FILIP1L: variants seen among roughly 807,000 people sequenced by gnomAD.
FILIP1L encodes filamin A interacting protein 1 like, also known as filamin A-interacting protein 1-like.
In FILIP1L, 55 loss-of-function variants were observed where a neutral mutation model predicts 96.6. The ratio of observed to expected loss-of-function variants is 0.57; its 90% CI spans 0.46 to 0.71. FILIP1L has a LOEUF of 0.71. Ranked by LOEUF, FILIP1L falls within the 30% of genes least tolerant of loss-of-function variation. FILIP1L has a pLI of 0.00. For missense variants in FILIP1L, 1,304 were observed against 1,321.2 expected, an observed-to-expected ratio of 0.99 and a Z score of 0.20; for synonymous variants, 467 against 473.9, an observed-to-expected ratio of 0.99 and a Z score of 0.19.
intron 4 of FILIP1L, among the ~76,000 whole-genome samples, chr3:99,885,002 T>C (rs1012870398): frequency 3.3e-5 from 5 of 152,228 alleles, no homozygotes; most frequent in Admixed American, 2.6e-4. Context: ...AAAATTGTGC[T>C]ACGATACTGT....
Position 99,851,072 on chromosome 3 carries a change from T to A in FILIP1L, c.606-2A>T. ...TCTTGATCAATTAGCTTCTTTAATCTGAAAAATGTAAAGTGCATTTTATTT... is the reference window on the plus strand; with the variant it reads ...TCTTGATCAATTAGCTTCTTTAATCAGAAAAATGTAAAGTGCATTTTATTT... On this transcript the variant is annotated splice_acceptor_variant, in intron 4 of 5. Transcript: ENST00000477258. LOFTEE classifies it high-confidence loss of function. 6.4e-7 allele frequency: 1 copy of A among 1,569,478 alleles called. No homozygotes were observed. Among genetic ancestry groups the A allele is most frequent in the Non-Finnish European group, 8.6e-7 (1 of 1,165,082 alleles).
chr3:99,853,491 G>C (rs778519944), intron 4 of FILIP1L, among the ~76,000 whole-genome samples: 3 of 152,218 alleles, frequency 2.0e-5, no homozygotes, highest in Non-Finnish European at 4.4e-5. Context: ...TATTAAAAGG[G>C]AATGGTGATT....
Position 99,969,435 on chromosome 3 carries a change from G to A in FILIP1L, c.-10-38405C>T, listed in dbSNP as rs150350836. On this transcript the variant is annotated intron_variant, in intron 1 of 5. Coordinates refer to ENST00000477258, the MANE Select transcript of FILIP1L (RefSeq NM_001387850.1). ...GAGGACTGCAGATTTATATAGTTGC[G>A]TCAATCTGAAAGCTGACTTTTTTTT... Among the ~76,000 whole-genome samples the A allele has an allele frequency of 7.3e-3, 1,107 of 152,252 alleles. 19 individuals are homozygous for A. Among genetic ancestry groups the A allele is most frequent in the African/African-American group, 0.024 (1,016 of 41,528 alleles).
chr3:99,923,348 A>G (rs958493452), intron 4 of FILIP1L, among the ~76,000 whole-genome samples: 1 of 152,094 alleles, frequency 6.6e-6, no homozygotes, highest in South Asian at 2.1e-4. Flanking sequence ...CATACTCAAC[A>G]TGTCTAAACC....
intron 1 of FILIP1L, among the ~76,000 whole-genome samples, chr3:100,076,481 G>C (rs1259714093): frequency 6.6e-6 from 1 of 152,124 alleles, no homozygotes; most frequent in Non-Finnish European, 1.5e-5. Context: ...TTTATGCTTT[G>C]CTATTTCTGT....
At chr3:100,080,539 G>A (rs1472223420) in intron 1 of FILIP1L, among the ~76,000 whole-genome samples, 7 of 152,172 alleles carry the variant, frequency 4.6e-5, no homozygotes, top group Admixed American at 2.0e-4. Flanking sequence ...TAGGTGATCT[G>A]TGGACCACAT....
At chr3:100,110,674 C>G (rs568867156) in intron 1 of FILIP1L, among the ~76,000 whole-genome samples, 3 of 152,194 alleles carry the variant, frequency 2.0e-5, no homozygotes, top group Non-Finnish European at 1.5e-5. Context: ...TCAGAAAAAC[C>G]TTCTCCATTC....
chr3:100,056,786 C>T (rs1446718660), intron 1 of FILIP1L, among the ~76,000 whole-genome samples: 1 of 151,750 alleles, frequency 6.6e-6, no homozygotes, highest in Non-Finnish European at 1.5e-5. Flanking sequence ...GGGCGGATCA[C>T]GAGGTCAGGA....
intron 1 of FILIP1L, among the ~76,000 whole-genome samples, chr3:100,055,697 G>C (rs1361720691): frequency 6.6e-6 from 1 of 152,070 alleles, no homozygotes; most frequent in East Asian, 1.9e-4. Context: ...TTCTTTAGTA[G>C]TCAAACATTC....
intron 1 of FILIP1L, among the ~76,000 whole-genome samples, chr3:100,108,979 G>A (rs781281070): frequency 4.0e-5 from 6 of 151,734 alleles, no homozygotes; most frequent in Admixed American, 1.3e-4. Flanking sequence ...AGTTTATTGC[G>A]TAGTTTTTGG....
chr3:100,063,598 G>A (rs1286772266), intron 1 of FILIP1L, among the ~76,000 whole-genome samples: 3 of 152,214 alleles, frequency 2.0e-5, no homozygotes, highest in Admixed American at 6.5e-5. Context: ...TTCTCATCCA[G>A]ACTTTGGTAG....
chr3:100,058,696 C>T, intron 1 of FILIP1L, among the ~76,000 whole-genome samples: 1 of 152,194 alleles, frequency 6.6e-6, no homozygotes. Flanking sequence ...GAAGCATCAA[C>T]AGACAACAGG....
intron 1 of FILIP1L, among the ~76,000 whole-genome samples, chr3:100,017,051 C>T (rs2107216109): frequency 1.3e-5 from 2 of 152,312 alleles, no homozygotes; most frequent in Middle Eastern, 6.8e-3. Context: ...CAGTTTCTCA[C>T]ATGTGTGTAT....
At chr3:99,964,777 G>T (rs1252943729) in intron 1 of FILIP1L, among the ~76,000 whole-genome samples, 1 of 152,120 alleles carries the variant, frequency 6.6e-6, no homozygotes. Context: ...CTAATGCCCA[G>T]AAACCTCCAG....
intron 1 of FILIP1L, among the ~76,000 whole-genome samples, chr3:100,095,236 A>C (rs1374867872): frequency 1.3e-5 from 2 of 152,108 alleles, no homozygotes; most frequent in Non-Finnish European, 2.9e-5. Flanking sequence ...TTTCCATATA[A>C]ATTTTAGATC....
At chr3:100,052,391 C>G (rs1400284151) in intron 1 of FILIP1L, among the ~76,000 whole-genome samples, 5 of 152,156 alleles carry the variant, frequency 3.3e-5, no homozygotes, top group African/African-American at 9.7e-5. Context: ...GTTCCAAGGT[C>G]TGAGGGGTAG....
intron 5 of FILIP1L, among the ~76,000 whole-genome samples, chr3:99,843,262 T>C (rs1376336623): frequency 6.6e-6 from 1 of 152,252 alleles, no homozygotes; most frequent in Non-Finnish European, 1.5e-5. Context: ...ACAGACCTTG[T>C]AGGTGTCAGA....
intron 4 of FILIP1L, among the ~76,000 whole-genome samples, chr3:99,914,856 G>A (rs959642926): frequency 7.9e-5 from 12 of 152,236 alleles, no homozygotes; most frequent in Non-Finnish European, 2.9e-5. Flanking sequence ...TGATGCACCT[G>A]TGTGATACAG....
At chr3:99,950,560 A>G (rs949928343) in intron 1 of FILIP1L, among the ~76,000 whole-genome samples, 3 of 152,160 alleles carry the variant, frequency 2.0e-5, no homozygotes, top group South Asian at 2.1e-4. Flanking sequence ...AATTTCATTC[A>G]TCGGATAGTA....
Sources: allele counts gnomAD v4.1 joint callset (sites outside exome capture counted in the v4.1 genomes callset), GRCh38; gene constraint gnomAD v4.1.1; transcripts MANE v1.5; gene names NCBI Gene and HGNC (gene_info 2026-07-23, HGNC 2026-07-21).